The following AKNA variants were observed in gnomAD, a reference collection of about 807,000 sequenced individuals.
The protein encoded by AKNA is AT-hook transcription factor, also known as microtubule organization protein AKNA.
AKNA carries 67 observed loss-of-function variants against 138.8 expected under a neutral mutation model. The observed-to-expected ratio is 0.48, with a 90% CI of 0.40 to 0.59. AKNA has a LOEUF of 0.59. Ranked by LOEUF, AKNA falls within the 20% of genes least tolerant of loss-of-function variation. The probability of loss-of-function intolerance (pLI) is 0.00; values close to 1 mark genes in which losing one functional copy is unlikely to be tolerated. For synonymous variants in AKNA, 737 were observed against 754.4 expected, an observed-to-expected ratio of 0.98 and a Z score of 0.38; for missense variants, 1,813 against 1,880.4, an observed-to-expected ratio of 0.96 and a Z score of 0.66.
chr9:114,392,217 C>G (rs1166298902), upstream of AKNA, among the ~76,000 whole-genome samples: 1 of 152,020 alleles, frequency 6.6e-6, no homozygotes, highest in African/African-American at 2.4e-5. Flanking sequence ...AGTAGAGAAC[C>G]AAGTTCCAGC....
intron 1 of AKNA, among the ~76,000 whole-genome samples, chr9:114,382,484 G>A (rs965822551): frequency 2.6e-5 from 4 of 151,630 alleles, no homozygotes; most frequent in Admixed American, 1.3e-4. Context: ...TCCAGAGGTC[G>A]AGGTGGGAGG....
In AKNA at chr9:114,358,128, A is replaced by T. The variant is rs1230301301; in HGVS notation, c.2532T>A (p.Gly844=). 4 of 1,614,086 alleles carry T rather than the reference A, an allele frequency of 2.5e-6. No homozygotes were observed. In the Admixed American group the frequency reaches 6.7e-5, roughly 27 times the overall value. Residue 844 remains glycine, a synonymous_variant, in exon 12 of 22, where the codon GGT becomes GGA. Transcript: ENST00000374088. The part of the protein sequence containing the change: ...TEKMVSMKPP[G]FQASLARDGH... ...CGTCTCTAGCCAGGGATGCCTGGAA[A>T]CCTGGTGGCTTCATAGATACCATCT...
At chr9:114,349,202 C>T (rs1013308885) in intron 15 of AKNA, among the ~76,000 whole-genome samples, 3 of 152,224 alleles carry the variant, frequency 2.0e-5, no homozygotes, top group Admixed American at 6.5e-5. Flanking sequence ...CTTACCAGGC[C>T]GGGGGCGTGA....
intron 1 of AKNA, among the ~76,000 whole-genome samples, chr9:114,383,368 C>T (rs1833822031): frequency 2.0e-5 from 3 of 152,216 alleles, no homozygotes; most frequent in Non-Finnish European, 4.4e-5. Flanking sequence ...TATGCCAGCA[C>T]TGAGCCAGGC....
upstream of AKNA, chr9:114,388,031 C>T (rs919159233): frequency 4.4e-5 from 12 of 271,818 alleles, no homozygotes; most frequent in Admixed American, 1.6e-4. Context: ...CCACCTCTCC[C>T]CGCCCCTGCC....
intron 19 of AKNA, among the ~76,000 whole-genome samples, chr9:114,342,742 A>T (rs892265222): frequency 2.1e-5 from 1 of 46,674 alleles, no homozygotes; most frequent in South Asian, 1.2e-3. Flanking sequence ...CCTCCCACCC[A>T]CCCCGGCAGA....
At chr9:114,331,957 ACCTTGTCCATGGCCCAACTTGG>A, downstream of AKNA, 2 of 1,598,224 alleles carry the variant, frequency 1.3e-6, no homozygotes, top group Non-Finnish European at 1.7e-6. Flanking sequence ...GACAGTGCCC[ACCTTGTCCATGGCCCAACTTGG>A]GCAGCCCCAG....
downstream of AKNA, chr9:114,331,429 C>T (rs984782265): frequency 7.8e-5 from 51 of 657,230 alleles, no homozygotes; most frequent in East Asian, 5.5e-4. Context: ...AGGGGCTGGG[C>T]ACACGGTGGC....
At chr9:114,331,750 C>G, downstream of AKNA, 1 of 1,581,140 alleles carries the variant, frequency 6.3e-7, no homozygotes, top group Non-Finnish European at 8.7e-7. Flanking sequence ...TGGGCTGGCC[C>G]CTAGAACCCC....
chr9:114,373,749 A>C (rs1832965187), intron 4 of AKNA, among the ~76,000 whole-genome samples: 1 of 151,840 alleles, frequency 6.6e-6, no homozygotes, highest in Admixed American at 6.6e-5. Context: ...AGCAGGGAAT[A>C]GTGATGACTG....
intron 5 of AKNA, 126 bp downstream of exon 5, chr9:114,368,313 G>C: frequency 9.1e-7 from 1 of 1,098,452 alleles, no homozygotes; most frequent in Non-Finnish European, 1.2e-6. Flanking sequence ...GCCCAGGGTG[G>C]GGCCTTGCCT....
chr9:114,347,920 A>G lies in AKNA; in HGVS notation c.3222-20T>C, dbSNP rs1450241087. Reference sequence around the variant, plus strand: ...GCCTGGCTGGGGTTGGAGTGGAGACAGAAACAAAGAACAGAGGCATGAGGA... The same window carrying G: ...GCCTGGCTGGGGTTGGAGTGGAGACGGAAACAAAGAACAGAGGCATGAGGA... On this transcript the variant is annotated intron_variant, in intron 15 of 21. Transcript: ENST00000374088. 2 of 1,548,130 alleles carry G rather than the reference A, an allele frequency of 1.3e-6. No homozygotes were observed. The highest frequency in any genetic ancestry group is 1.4e-5 in the African/African-American group (1 of 72,668).
intron 14 of AKNA, among the ~76,000 whole-genome samples, chr9:114,354,905 G>T (rs1423298446): frequency 7.3e-6 from 1 of 136,680 alleles, no homozygotes; most frequent in Non-Finnish European, 1.5e-5. Flanking sequence ...GTCTTGCTCT[G>T]TCACCCAGGC....
Position 114,345,863 on chromosome 9 carries a change from CTG to C in AKNA, c.3659_3660del (p.Thr1220ArgfsTer10). 6.2e-7 allele frequency: 1 copy of C among 1,614,044 alleles called. No individual in the cohort carries two copies. The highest frequency in any genetic ancestry group is 8.5e-7 in the Non-Finnish European group (1 of 1,179,946). Reference protein sequence around the residue: ...PDRVTFRGQYTGHEYHVLSPK... With the variant: ...PDRVTFRGQYXGHEYHVLSPK... ...ATCCCGGCCCTCCCTCCTGACCTAC[CTG>C]TGTATTGGCCCCGGAAGGTGACCCT... is the stretch of plus-strand genomic sequence containing the variant. On this transcript the variant is annotated frameshift_variant and splice_region_variant, in exon 18 of 22. Coordinates refer to ENST00000374088, the MANE Select transcript of AKNA (RefSeq NM_001317950.2). LOFTEE classifies it high-confidence loss of function.
chr9:114,356,799 C>T, intron 13 of AKNA, 64 bp downstream of exon 13: 3 of 1,401,656 alleles, frequency 2.1e-6, no homozygotes, highest in Non-Finnish European at 2.9e-6. Flanking sequence ...ATCACAGGCA[C>T]TGTGATTCCC....
chr9:114,367,426 C>T, intron 6 of AKNA, 117 bp downstream of exon 6: 1 of 1,285,198 alleles, frequency 7.8e-7, no homozygotes, highest in Non-Finnish European at 1.1e-6. Flanking sequence ...TAACTCGGTG[C>T]AGAGGCAGGG....
Position 114,362,413 on chromosome 9 carries a change from G to T in AKNA, c.1909C>A (p.Pro637Thr), listed in dbSNP as rs775958227. The part of the protein sequence containing the change: ...GSKGTPGRFD[P>T]RRELEAEIYR... ...TTCCACCCCAGCAGGTACCTGCGAG[G>T]ATCAAATCTTCCAGGCGTCCCCTTG... is the stretch of plus-strand genomic sequence containing the variant. Residue 637 changes from proline to threonine, a missense_variant, in exon 8 of 22, where the codon CCT becomes ACT. Coordinates refer to ENST00000374088, the MANE Select transcript of AKNA (RefSeq NM_001317950.2). 6.2e-7 allele frequency: 1 copy of T among 1,611,266 alleles called. No homozygotes were observed. The highest frequency in any genetic ancestry group is 1.1e-5 in the South Asian group (1 of 90,378).
At chr9:114,356,263 G>A in intron 13 of AKNA, 127 bp from the exon 14 acceptor site, 3 of 840,954 alleles carry the variant, frequency 3.6e-6, no homozygotes, top group Admixed American at 3.0e-5. Flanking sequence ...CATCTCGGGT[G>A]GTACAATATT....
intron 9 of AKNA, 178 bp from the exon 10 acceptor site, chr9:114,360,240 G>C: frequency 1.3e-6 from 1 of 746,876 alleles, no homozygotes; most frequent in South Asian, 1.7e-5. Flanking sequence ...TGTGGTCTTC[G>C]ATACTGGCTG....
Sources: allele counts gnomAD v4.1 joint callset (sites outside exome capture counted in the v4.1 genomes callset), GRCh38; gene constraint gnomAD v4.1.1; transcripts MANE v1.5; gene names NCBI Gene and HGNC (gene_info 2026-07-23, HGNC 2026-07-21).